Variants in OPCML observed in about 807,000 individuals in gnomAD.
OPCML encodes opioid-binding protein/cell adhesion molecule.
OPCML carries 13 observed loss-of-function variants against 37.8 expected under a neutral mutation model. That is an observed-to-expected ratio of 0.34 (90% CI 0.22 to 0.55). The LOEUF (loss-of-function observed/expected upper bound fraction) is 0.55. Ranked by LOEUF, OPCML falls within the 20% of genes least tolerant of loss-of-function variation. The probability of loss-of-function intolerance (pLI) is 0.91; values close to 1 mark genes in which losing one functional copy is unlikely to be tolerated. For missense variants in OPCML, 341 were observed against 435.6 expected (o/e 0.78, Z 1.93); for synonymous variants, 176 against 168.8 (o/e 1.04, Z -0.33).
chr11:132,614,668 A>G (rs1243049524), intron 3 of OPCML, among the ~76,000 whole-genome samples: 1 of 152,188 alleles, frequency 6.6e-6, no homozygotes, highest in Admixed American at 6.5e-5. Flanking sequence ...ATGAGGAGAG[A>G]AAAACAAATC....
intron 1 of OPCML, among the ~76,000 whole-genome samples, chr11:133,467,385 C>T (rs1947000829): frequency 6.6e-6 from 1 of 152,170 alleles, no homozygotes; most frequent in African/African-American, 2.4e-5. Flanking sequence ...TCTCAGTCCT[C>T]TGAGCATGTC....
At chr11:132,949,254 A>G (rs1945808008) in intron 1 of OPCML, among the ~76,000 whole-genome samples, 1 of 152,228 alleles carries the variant, frequency 6.6e-6, no homozygotes, top group Admixed American at 6.5e-5. Flanking sequence ...TTGCATTTCA[A>G]ACTGGCTTAA....
intron 3 of OPCML, among the ~76,000 whole-genome samples, chr11:132,617,207 T>C (rs1266088962): frequency 6.6e-6 from 1 of 152,248 alleles, no homozygotes; most frequent in Admixed American, 6.5e-5. Context: ...GTCAATTGTA[T>C]TTATGATATG....
intron 1 of OPCML, among the ~76,000 whole-genome samples, chr11:133,050,074 C>T (rs138932240): frequency 5.5e-4 from 83 of 152,282 alleles, no homozygotes; most frequent in African/African-American, 1.9e-3. Flanking sequence ...ATGAGCTTAG[C>T]CCTTCCCTGA....
intron 1 of OPCML, among the ~76,000 whole-genome samples, chr11:133,030,417 T>A (rs897127160): frequency 1.3e-5 from 2 of 152,158 alleles, no homozygotes; most frequent in African/African-American, 4.8e-5. Context: ...TCATGCTCTG[T>A]CCCTGCCACT....
At chr11:132,457,354 C>T (rs920644422) in intron 4 of OPCML, among the ~76,000 whole-genome samples, 4 of 152,186 alleles carry the variant, frequency 2.6e-5, no homozygotes, top group Admixed American at 6.5e-5. Context: ...TCTTAAGACG[C>T]TTACAATAGA....
In OPCML at chr11:132,436,539, G is replaced by A; in HGVS notation, c.764+120C>T. 4.0e-6 allele frequency: 6 copies of A among 1,486,664 alleles called. No homozygotes were observed. In the East Asian group the frequency reaches 9.3e-5, roughly 23 times the overall value. The allele number at this position is 1,486,664 out of a possible 1,614,324, so 92.1% of individuals were successfully genotyped here. On this transcript the variant is annotated intron_variant, in intron 6 of 7. Transcript: ENST00000524381. Reference sequence around the variant, plus strand: ...AAAAATAGACTTTGTTACAAAAGAGGGCATAGTATATTTCTGTTTTGCCTT... The same window carrying A: ...AAAAATAGACTTTGTTACAAAAGAGAGCATAGTATATTTCTGTTTTGCCTT...
chr11:133,149,332 T>C lies in OPCML; in HGVS notation c.62-206322A>G, dbSNP rs184641205. The stretch of plus-strand genomic sequence containing the variant: ...TTGTGGATATGAGGAAATCTTCCAA[T>C]TTGACATTGTAGTATATCACCCATA... On this transcript the variant is annotated intron_variant, in intron 1 of 7. Coordinates refer to ENST00000524381, the MANE Select transcript of OPCML (RefSeq NM_001012393.5). Among the ~76,000 whole-genome samples the C allele has an allele frequency of 3.9e-3, 592 of 152,306 alleles. 4 individuals carry two copies. Among genetic ancestry groups the C allele is most frequent in the South Asian group, 0.031 (148 of 4,830 alleles).
intron 2 of OPCML, among the ~76,000 whole-genome samples, chr11:132,776,626 T>C (rs1220174162): frequency 6.6e-6 from 1 of 152,052 alleles, no homozygotes; most frequent in Non-Finnish European, 1.5e-5. Context: ...CCCCCATTGC[T>C]TTCCACCATG....
chr11:133,193,100 C>G (rs61910353), intron 1 of OPCML, among the ~76,000 whole-genome samples: 1 of 152,070 alleles, frequency 6.6e-6, no homozygotes, highest in South Asian at 2.1e-4. Context: ...AGTGGTCCTT[C>G]TGGTGGTGGC....
At chr11:132,917,319 A>T (rs1387153360) in intron 2 of OPCML, among the ~76,000 whole-genome samples, 1 of 152,228 alleles carries the variant, frequency 6.6e-6, no homozygotes, top group Non-Finnish European at 1.5e-5. Context: ...TGCTGATTTA[A>T]TAAGACAGTT....
chr11:132,819,011 C>CG (rs1939811020), intron 2 of OPCML, among the ~76,000 whole-genome samples: 1 of 136,186 alleles, frequency 7.3e-6, no homozygotes, highest in Non-Finnish European at 1.6e-5. Flanking sequence ...GTTACAAAGT[C>CG]GAAAAAAAAA....
chr11:132,850,639 T>A (rs576129576), intron 2 of OPCML, among the ~76,000 whole-genome samples: 2 of 152,076 alleles, frequency 1.3e-5, no homozygotes, highest in Non-Finnish European at 2.9e-5. Flanking sequence ...AAGTGAGAGG[T>A]TATTTTTTGA....
At chr11:133,061,145 A>G (rs149666592) in intron 1 of OPCML, among the ~76,000 whole-genome samples, 185 of 152,314 alleles carry the variant, frequency 1.2e-3, no homozygotes, top group Middle Eastern at 3.4e-3. Flanking sequence ...GGATTACAAG[A>G]GTGTATCACC....
In OPCML at chr11:133,019,096, C is replaced by A. The variant is rs140111619; in HGVS notation, c.62-76086G>T. Among the ~76,000 whole-genome samples, 342 of 152,302 alleles carry A rather than the reference C, an allele frequency of 2.2e-3. 2 individuals are homozygous for A. The highest frequency in any genetic ancestry group is 8.3e-3 in the East Asian group (43 of 5,172). On this transcript the variant is annotated intron_variant, in intron 1 of 7. Coordinates refer to ENST00000524381, the MANE Select transcript of OPCML (RefSeq NM_001012393.5). Reference sequence around the variant, plus strand: ...GCTGGTGAGACAAAAGAGACCAGAGCAGGACTGTCTTGCTTTTGTTTCCTG... The same window carrying A: ...GCTGGTGAGACAAAAGAGACCAGAGAAGGACTGTCTTGCTTTTGTTTCCTG...
chr11:133,520,282 G>T (rs987822574), intron 1 of OPCML, among the ~76,000 whole-genome samples: 2 of 152,100 alleles, frequency 1.3e-5, no homozygotes, highest in African/African-American at 2.4e-5. Flanking sequence ...CAGAACTACA[G>T]GCCACCTCAC....
intron 3 of OPCML, among the ~76,000 whole-genome samples, chr11:132,616,012 T>C (rs940119441): frequency 7.2e-5 from 11 of 152,346 alleles, no homozygotes; most frequent in Admixed American, 5.2e-4. Context: ...TGTTTATGAC[T>C]ACCTGGTTTT....
chr11:132,964,199 A>C (rs1388478507), intron 1 of OPCML, among the ~76,000 whole-genome samples: 3 of 152,224 alleles, frequency 2.0e-5, no homozygotes, highest in Admixed American at 2.0e-4. Flanking sequence ...AAAGAGAAGA[A>C]TCGTTTCAGT....
intron 1 of OPCML, among the ~76,000 whole-genome samples, chr11:133,375,979 G>C (rs1944794969): frequency 6.6e-6 from 1 of 152,182 alleles, no homozygotes. Flanking sequence ...AACAGAGCCA[G>C]GGAGCAGAAA....
Sources: allele counts gnomAD v4.1 joint callset (sites outside exome capture counted in the v4.1 genomes callset), GRCh38; gene constraint gnomAD v4.1.1; transcripts MANE v1.5; gene names NCBI Gene and HGNC (gene_info 2026-07-23, HGNC 2026-07-21).